Variants in PCLO observed in about 807,000 individuals in gnomAD.
PCLO encodes protein piccolo.
A neutral mutation model predicts 427.5 loss-of-function variants in PCLO; 82 were observed. The ratio of observed to expected loss-of-function variants is 0.19; its 90% CI spans 0.16 to 0.23. The LOEUF is 0.23. Among genes scored for constraint, PCLO ranks in the 10% least tolerant of loss-of-function variants. The pLI is 1.00. For missense variants in PCLO, 6,239 were observed against 6,115.9 expected (o/e 1.02, Z -0.67); for synonymous variants, 2,357 against 2,155.4 (o/e 1.09, Z -2.59).
Position 82,911,188 on chromosome 7 carries a change from A to C in PCLO, c.13301-2175T>G, listed in dbSNP as rs1230991923. 2.0e-5 allele frequency among the ~76,000 whole-genome samples: 3 copies of C among 152,110 alleles called. No individual in the cohort carries two copies. In the East Asian group the frequency reaches 5.8e-4, roughly 30 times the overall value. On this transcript the variant is annotated intron_variant, in intron 7 of 24. Transcript: ENST00000333891. ...TATTTTGATTTTGTTATTTTTTATA[A>C]TAACCCTATGTGTAACTGAATAAAG... is the stretch of plus-strand genomic sequence containing the variant.
chr7:83,078,701 T>G (rs1387572818), intron 3 of PCLO, among the ~76,000 whole-genome samples: 1 of 151,964 alleles, frequency 6.6e-6, no homozygotes, highest in Non-Finnish European at 1.5e-5. Flanking sequence ...CCGGCTAATT[T>G]TTCGTATTTT....
In PCLO at chr7:82,949,542, G is replaced by A; in HGVS notation, c.11046C>T (p.Pro3682=). The part of the protein sequence containing the change: ...AKMMQRSMSD[P]KPLSPTADES... ...CGTCTGCTGTTGGACTCAGAGGCTT[G>A]GGGTCAGACATAGAACGCTGCATCA... The change falls in exon 6 of 25, where the codon CCC becomes CCT. Residue 3682 remains proline (P), a synonymous_variant. Transcript: ENST00000333891. 6.2e-7 allele frequency: 1 copy of A among 1,613,714 alleles called. No individual in the cohort carries two copies. Among genetic ancestry groups the A allele is most frequent in the South Asian group, 1.1e-5 (1 of 91,068 alleles).
In PCLO at chr7:82,995,957, CATT is replaced by C. The variant is rs150087730; in HGVS notation, c.3301-29473_3301-29471del. Among the ~76,000 whole-genome samples the C allele has an allele frequency of 9.9e-3, 1,500 of 151,848 alleles. 29 individuals carry two copies. Among genetic ancestry groups the C allele is most frequent in the African/African-American group, 0.034 (1,423 of 41,468 alleles). ...GAATGAAAATAAAATATATGTTTAT[CATT>C]ATATTTAAGGGGAGAGGTACTGGAT... On this transcript the variant is annotated intron_variant, in intron 3 of 24. Transcript: ENST00000333891.
chr7:83,071,745 T>TA (rs1421508217), intron 3 of PCLO, among the ~76,000 whole-genome samples: 1 of 152,080 alleles, frequency 6.6e-6, no homozygotes, highest in East Asian at 1.9e-4. Context: ...AGGATATATA[T>TA]TTTTTCTCCT....
chr7:83,088,665 T>C (rs369931268), intron 3 of PCLO, among the ~76,000 whole-genome samples: 2 of 152,238 alleles, frequency 1.3e-5, no homozygotes, highest in East Asian at 3.9e-4. Flanking sequence ...TCCTTGTGGT[T>C]CCTCCCTCTC....
intron 3 of PCLO, among the ~76,000 whole-genome samples, chr7:82,997,536 G>C (rs950693866): frequency 6.6e-6 from 1 of 151,966 alleles, no homozygotes; most frequent in Non-Finnish European, 1.5e-5. Context: ...AATCTGAAAA[G>C]AGATCTCCCT....
intron 3 of PCLO, among the ~76,000 whole-genome samples, chr7:83,043,827 C>G (rs535673448): frequency 6.7e-6 from 1 of 149,902 alleles, no homozygotes; most frequent in East Asian, 2.0e-4. Flanking sequence ...GTTTACTTTC[C>G]AATTATAGAA....
intron 9 of PCLO, among the ~76,000 whole-genome samples, chr7:82,891,342 C>T (rs1309512539): frequency 6.6e-6 from 1 of 151,880 alleles, no homozygotes; most frequent in East Asian, 1.9e-4. Context: ...GGTAAGAATT[C>T]TGTTGGTGTA....
intron 22 of PCLO, among the ~76,000 whole-genome samples, chr7:82,789,966 G>T (rs1294956896): frequency 1.3e-5 from 2 of 152,030 alleles, no homozygotes; most frequent in Non-Finnish European, 2.9e-5. Flanking sequence ...TTTACATGAT[G>T]ACCATTATCA....
In PCLO at chr7:82,950,075, C is replaced by T; in HGVS notation, c.10513G>A (p.Asp3505Asn). The change falls in exon 6 of 25, where the codon GAC (aspartate) becomes AAC (asparagine). Residue 3505 changes from aspartate (D) to asparagine (N), a missense_variant. By Grantham distance (23) the Asp-to-Asn change is conservative (BLOSUM62 1). This residue lies in a region of PCLO where 4,677 missense variants were observed against 4,468.4 expected (regional missense o/e 1.05). Coordinates refer to ENST00000333891, the MANE Select transcript of PCLO (RefSeq NM_033026.6). ...ACTTTGGAAAGGGGTTTGGTCTTGT[C>T]AGCCTCTGTCATGCTGTCACCATAT... ...GKYGDSMTEA[D>N]KTKPLSKVSS... is the part of the protein sequence containing the mutation. 1.2e-6 allele frequency: 2 copies of T among 1,607,144 alleles called. No homozygotes were observed. Among genetic ancestry groups the T allele is most frequent in the Non-Finnish European group, 1.7e-6 (2 of 1,177,738 alleles).
rs557521354 is a variant in PCLO, at chr7:83,124,332, C to T, written c.3300+9918G>A. On this transcript the variant is annotated intron_variant, in intron 3 of 24. Transcript: ENST00000333891. ...TAGCACCACTGTACTCCAGCCTGGG[C>T]GGAAGAGCGAGACTCCGTCTCAAAA... Among the ~76,000 whole-genome samples the T allele has an allele frequency of 2.2e-3, 290 of 129,632 alleles. 2 individuals carry two copies. The highest frequency in any genetic ancestry group is 7.9e-3 in the African/African-American group (268 of 33,786). The allele number at this position is 129,632 out of a possible 152,430, so 85.0% of individuals were successfully genotyped here.
intron 3 of PCLO, among the ~76,000 whole-genome samples, chr7:83,096,950 AT>A (rs1790578938): frequency 1.2e-4 from 7 of 60,302 alleles, no homozygotes; most frequent in Non-Finnish European, 1.9e-4. Flanking sequence ...TATATATTAT[AT>A]AAATAATATA....
chr7:82,872,118 T>C (rs1188788730), intron 10 of PCLO, among the ~76,000 whole-genome samples: 3 of 151,784 alleles, frequency 2.0e-5, no homozygotes, highest in Admixed American at 6.6e-5. Flanking sequence ...AATGACAAAT[T>C]TGACTATTAA....
At chr7:82,838,119 T>TTA in intron 15 of PCLO, 99 bp downstream of exon 15, 1 of 819,158 alleles carries the variant, frequency 1.2e-6, no homozygotes. Context: ...AAGGAAAAGA[T>TTA]AATAAAGTCA....
chr7:83,028,804 C>T (rs371728832), intron 3 of PCLO, among the ~76,000 whole-genome samples: 5 of 149,274 alleles, frequency 3.3e-5, no homozygotes, highest in Non-Finnish European at 7.5e-5. Context: ...AATAACGCCG[C>T]GTATCTACAA....
At chr7:83,111,889 T>C (rs1286819384) in intron 3 of PCLO, among the ~76,000 whole-genome samples, 2 of 152,208 alleles carry the variant, frequency 1.3e-5, no homozygotes, top group Non-Finnish European at 1.5e-5. Context: ...GCTCACTTTT[T>C]AAGGTAGAGC....
In PCLO at chr7:82,951,056, T is replaced by C; in HGVS notation, c.9532A>G (p.Ile3178Val). The change falls in exon 6 of 25, where the codon ATA becomes GTA. Residue 3178 changes from isoleucine to valine, a missense_variant. Around this residue, in one of 5 missense-constraint regions of PCLO, gnomAD observed 4,677 missense variants for 4,468.4 expected, o/e 1.05. Coordinates refer to ENST00000333891, the MANE Select transcript of PCLO (RefSeq NM_033026.6). ...GTGGTTAAAGTGGGAACAGAGTCTATCGTCTCAGCAGTAAGAGACTCCATA... is the reference window on the plus strand; with the variant it reads ...GTGGTTAAAGTGGGAACAGAGTCTACCGTCTCAGCAGTAAGAGACTCCATA... Reference protein sequence around the residue: ...ITMESLTAETIDSVPTLTTAS... With the variant: ...ITMESLTAETVDSVPTLTTAS... 1 of 1,613,936 alleles carries C rather than the reference T, an allele frequency of 6.2e-7. No individual in the cohort carries two copies. Among genetic ancestry groups the C allele is most frequent in the Non-Finnish European group, 8.5e-7 (1 of 1,179,856 alleles).
chr7:82,880,611 T>C (rs1793483224), intron 9 of PCLO, among the ~76,000 whole-genome samples: 1 of 152,160 alleles, frequency 6.6e-6, no homozygotes, highest in Non-Finnish European at 1.5e-5. Flanking sequence ...GAAACATTTT[T>C]GGTTGTCACC....
intron 3 of PCLO, among the ~76,000 whole-genome samples, chr7:83,111,027 G>C (rs1790990127): frequency 6.6e-6 from 1 of 152,166 alleles, no homozygotes; most frequent in Non-Finnish European, 1.5e-5. Flanking sequence ...ATGTCAAAAA[G>C]AGAACTTCTC....
Sources: gnomAD v4.1 joint callset for allele counts (sites outside exome capture counted in the v4.1 genomes callset) on GRCh38, gnomAD v4.1.1 for gene constraint, gnomAD v4.1.1 regional missense constraint, MANE v1.5 for transcripts, NCBI Gene and HGNC (gene_info 2026-07-23, HGNC 2026-07-21) for gene names.